THSD4: variants seen among roughly 807,000 people sequenced by gnomAD.
The protein encoded by THSD4 is thrombospondin type-1 domain-containing protein 4.
A neutral mutation model predicts 119.0 loss-of-function variants in THSD4; 69 were observed. The observed-to-expected ratio is 0.58, with a 90% CI of 0.48 to 0.71. The LOEUF (loss-of-function observed/expected upper bound fraction) is 0.71. THSD4 is among the 30% of genes least tolerant of loss of function. The probability of loss-of-function intolerance (pLI) is 0.00; values close to 1 mark genes in which losing one functional copy is unlikely to be tolerated. For synonymous variants in THSD4, 524 were observed against 540.4 expected, an observed-to-expected ratio of 0.97 and a Z score of 0.42; for missense variants, 1,393 against 1,391.1, an observed-to-expected ratio of 1.00 and a Z score of -0.02.
rs1036289041 is a variant in THSD4, at chr15:71,428,081, G to A, written c.1152+16258G>A. Among the ~76,000 whole-genome samples the A allele has an allele frequency of 3.9e-5, 6 of 152,024 alleles. No individual in the cohort carries two copies. The South Asian group carries it at 1.0e-3, about 26-fold the overall frequency. On this transcript the variant is annotated intron_variant, in intron 7 of 17. Coordinates refer to ENST00000261862, the MANE Select transcript of THSD4 (RefSeq NM_024817.3). ...TGACACTTGTAACTGAGAAATGAGGGGAAACTTCAGCAGAGAAAAGTCCTC... is the reference window on the plus strand; with the variant it reads ...TGACACTTGTAACTGAGAAATGAGGAGAAACTTCAGCAGAGAAAAGTCCTC...
chr15:71,220,494 A>T (rs778899270), intron 4 of THSD4, among the ~76,000 whole-genome samples: 8 of 152,184 alleles, frequency 5.3e-5, no homozygotes, highest in Non-Finnish European at 1.2e-4. Context: ...CATCTTTCAA[A>T]TGAGAGTAAT....
chr15:71,704,091 G>T (rs1033493989), intron 8 of THSD4, among the ~76,000 whole-genome samples: 1 of 151,972 alleles, frequency 6.6e-6, no homozygotes, highest in Non-Finnish European at 1.5e-5. Context: ...CTCGTGATCC[G>T]CCCACCTTGG....
At chr15:71,618,185 G>C (rs758565935) in intron 7 of THSD4, among the ~76,000 whole-genome samples, 47 of 152,210 alleles carry the variant, frequency 3.1e-4, no homozygotes, top group Non-Finnish European at 5.6e-4. Flanking sequence ...TTAACCTAAT[G>C]CTGTTGGAGG....
At chr15:71,241,706 A>G (rs370204524) in intron 4 of THSD4, among the ~76,000 whole-genome samples, 2 of 152,272 alleles carry the variant, frequency 1.3e-5, no homozygotes, top group East Asian at 1.9e-4. Flanking sequence ...AAATGCTACA[A>G]ATCAGGGCTT....
At chr15:71,605,862 TG>T (rs967573683) in intron 7 of THSD4, among the ~76,000 whole-genome samples, 1 of 152,142 alleles carries the variant, frequency 6.6e-6, no homozygotes, top group Non-Finnish European at 1.5e-5. Context: ...AACTGAGCCC[TG>T]GGATGCTCCG....
rs563262941 is a variant in THSD4 at position 71,680,014 on chromosome 15, C to T, written c.1357+19280C>T. Among the ~76,000 whole-genome samples the T allele has an allele frequency of 3.3e-4, 51 of 152,284 alleles. No homozygotes were observed. The South Asian group carries it at 0.011, about 32-fold the overall frequency. On this transcript the variant is annotated intron_variant, in intron 8 of 17. Transcript: ENST00000261862. Reference sequence around the variant, plus strand: ...CCTTATGATAGAAGAACGTAATACACACCACAGTATTGCTACATCAGGGAG... The same window carrying T: ...CCTTATGATAGAAGAACGTAATACATACCACAGTATTGCTACATCAGGGAG...
intron 6 of THSD4, among the ~76,000 whole-genome samples, chr15:71,371,309 G>A (rs1052216354): frequency 1.3e-5 from 2 of 152,146 alleles, no homozygotes; most frequent in Non-Finnish European, 2.9e-5. Context: ...GTATGAATTT[G>A]ATCCTGTCAT....
chr15:71,199,840 GTGC>G (rs1476650070), intron 3 of THSD4, among the ~76,000 whole-genome samples: 2 of 142,394 alleles, frequency 1.4e-5, no homozygotes, highest in African/African-American at 5.5e-5. Context: ...GTGTGTGTGT[GTGC>G]TGTGTGTGAT....
At chr15:71,476,059 G>A (rs1354862380) in intron 7 of THSD4, among the ~76,000 whole-genome samples, 1 of 152,090 alleles carries the variant, frequency 6.6e-6, no homozygotes, top group African/African-American at 2.4e-5. Context: ...CACCTTCTTT[G>A]TCTACAAAAT....
chr15:71,407,528 G>T (rs370095653), intron 6 of THSD4, among the ~76,000 whole-genome samples: 2 of 151,696 alleles, frequency 1.3e-5, no homozygotes, highest in South Asian at 2.1e-4. Context: ...ACTTGTATTC[G>T]AGTGTAAACT....
chr15:71,553,281 A>G (rs1401706069), intron 7 of THSD4, among the ~76,000 whole-genome samples: 1 of 150,700 alleles, frequency 6.6e-6, no homozygotes, highest in Non-Finnish European at 1.5e-5. Flanking sequence ...AGAATACAGT[A>G]CTGAATAAGA....
Position 71,771,058 on chromosome 15 carries a change from A to G in THSD4, c.2770-6A>G, listed in dbSNP as rs1006102762. ...AATCTGATGTTTTCCCTTTGTTCCC[A>G]TGCAGTGTTCCAAGAGCTGCCAGGG... is the stretch of plus-strand genomic sequence containing the variant. On this transcript the variant is annotated splice_region_variant and splice_polypyrimidine_tract_variant and intron_variant, in intron 16 of 17. Coordinates refer to ENST00000261862, the MANE Select transcript of THSD4 (RefSeq NM_024817.3). 2 of 1,613,802 alleles carry G rather than the reference A, an allele frequency of 1.2e-6. No homozygotes were observed. The highest frequency in any genetic ancestry group is 1.3e-5 in the African/African-American group (1 of 75,030).
At chr15:71,526,418 C>A (rs1410787808) in intron 7 of THSD4, among the ~76,000 whole-genome samples, 6 of 152,284 alleles carry the variant, frequency 3.9e-5, no homozygotes, top group Admixed American at 6.5e-5. Context: ...GCTTAGAGGT[C>A]TACCAAGTAG....
chr15:71,649,013 C>T (rs2051028995), intron 7 of THSD4, among the ~76,000 whole-genome samples: 1 of 152,160 alleles, frequency 6.6e-6, no homozygotes. Flanking sequence ...CTTAGGTGAA[C>T]ATTCATGTGT....
At chr15:71,342,424 A>G (rs1466329196) in intron 6 of THSD4, 1 of 153,250 alleles carries the variant, frequency 6.5e-6, no homozygotes, top group Non-Finnish European at 1.5e-5. Context: ...TGAAAACAGG[A>G]GAGAAGAAAC....
chr15:71,495,152 C>G (rs1348562863), intron 7 of THSD4, among the ~76,000 whole-genome samples: 1 of 152,194 alleles, frequency 6.6e-6, no homozygotes, highest in African/African-American at 2.4e-5. Context: ...AAATTGCTAA[C>G]AATTCAAGTT....
chr15:71,631,955 G>C (rs541130122), intron 7 of THSD4, among the ~76,000 whole-genome samples: 6 of 152,164 alleles, frequency 3.9e-5, no homozygotes, highest in Admixed American at 1.3e-4. Context: ...GTTGTGTTTA[G>C]TTCTCAGCTT....
At chr15:71,345,177 G>A (rs1376583612) in intron 6 of THSD4, among the ~76,000 whole-genome samples, 1 of 119,880 alleles carries the variant, frequency 8.3e-6, no homozygotes, top group Non-Finnish European at 1.6e-5. Context: ...TTTTTGTTCT[G>A]TTTCAGTATG....
chr15:71,389,824 T>TTTTTTTTTTTTTTTTTTTTC, intron 6 of THSD4, among the ~76,000 whole-genome samples: 1 of 141,900 alleles, frequency 7.0e-6, no homozygotes, highest in Non-Finnish European at 1.5e-5. Context: ...TTTTTTTTTT[T>TTTTTTTTTTTTTTTTTTTTC]TTTGACACAG....
Sources: allele counts gnomAD v4.1 joint callset (sites outside exome capture counted in the v4.1 genomes callset), GRCh38; gene constraint gnomAD v4.1.1; transcripts MANE v1.5; gene names NCBI Gene and HGNC (gene_info 2026-07-23, HGNC 2026-07-21).